STK4: variants seen among roughly 807,000 people sequenced by gnomAD.
The protein encoded by STK4 is serine/threonine-protein kinase 4.
In STK4, 30 loss-of-function variants were observed where a neutral mutation model predicts 64.9. The ratio of observed to expected loss-of-function variants is 0.46; its 90% CI spans 0.35 to 0.63. STK4 has a LOEUF of 0.63. STK4 is among the 20% of genes least tolerant of loss of function. STK4 has a pLI of 0.01. For missense variants in STK4, 466 were observed against 598.5 expected, an observed-to-expected ratio of 0.78 and a Z score of 2.31; for synonymous variants, 177 against 199.0, an observed-to-expected ratio of 0.89 and a Z score of 0.93.
intron 10 of STK4, among the ~76,000 whole-genome samples, chr20:45,032,843 G>A (rs1029539587): frequency 6.6e-6 from 1 of 152,096 alleles, no homozygotes; most frequent in Non-Finnish European, 1.5e-5. Flanking sequence ...TTGAGAAATC[G>A]ACACATGGCT....
chr20:44,999,932 A>G (rs1233139641), intron 7 of STK4, among the ~76,000 whole-genome samples: 3 of 152,200 alleles, frequency 2.0e-5, no homozygotes, highest in African/African-American at 7.2e-5. Flanking sequence ...ACATTTTTTT[A>G]GTATTATCTA....
rs549843405 is a variant in STK4 at position 45,049,798 on chromosome 20, TCTC to T, written c.1305+24673_1305+24675del. ...CAGCTTTTTAAGAATTCTCACCACT[TCTC>T]CTCCCATCTCAATTTTGTTGTTGTG... is the stretch of plus-strand genomic sequence containing the variant. On this transcript the variant is annotated intron_variant, in intron 10 of 10. Coordinates refer to ENST00000372806, the MANE Select transcript of STK4 (RefSeq NM_006282.5). Among the ~76,000 whole-genome samples, 191 of 152,180 alleles carry T rather than the reference TCTC, an allele frequency of 1.3e-3. 1 individual carries two copies. The highest frequency in any genetic ancestry group is 4.4e-3 in the African/African-American group (181 of 41,514).
chr20:44,972,181 T>C (rs2067259797), intron 2 of STK4, 23 bp downstream of exon 2: 2 of 1,599,674 alleles, frequency 1.3e-6, no homozygotes. Context: ...AAACTATAGG[T>C]AGGTCATTGG....
chr20:45,066,177 T>C (rs1600569317), intron 10 of STK4, among the ~76,000 whole-genome samples: 2 of 111,800 alleles, frequency 1.8e-5, no homozygotes, highest in East Asian at 2.3e-4. Flanking sequence ...ACACATTATA[T>C]ATCTACACAC....
intron 10 of STK4, among the ~76,000 whole-genome samples, chr20:45,042,986 TG>T (rs2068637431): frequency 6.6e-6 from 1 of 152,152 alleles, no homozygotes; most frequent in Non-Finnish European, 1.5e-5. Context: ...CTATTCTTCC[TG>T]ATGCTCTCCC....
chr20:44,974,914 G>A (rs2067312513), intron 2 of STK4: 1 of 152,216 alleles, frequency 6.6e-6, no homozygotes, highest in Non-Finnish European at 1.5e-5. Context: ...TGGATCTGTG[G>A]CAGAGTAGAG....
chr20:45,020,470 GTT>G (rs1568728034), intron 9 of STK4, among the ~76,000 whole-genome samples: 793 of 54,198 alleles, frequency 0.015, 6 homozygotes, highest in East Asian at 0.03. Context: ...GTGTGTGTAT[GTT>G]TATGTTTATG....
intron 9 of STK4, among the ~76,000 whole-genome samples, chr20:45,014,487 A>G (rs915248399): frequency 8.5e-5 from 13 of 152,224 alleles, no homozygotes; most frequent in Non-Finnish European, 1.9e-4. Flanking sequence ...GAAAGAATCC[A>G]AGCTTTCACA....
chr20:45,027,557 A>T (rs963469027), intron 10 of STK4, among the ~76,000 whole-genome samples: 1 of 152,130 alleles, frequency 6.6e-6, no homozygotes, highest in Non-Finnish European at 1.5e-5. Context: ...CCTGTTCATA[A>T]TGTGTAGTGA....
chr20:45,033,818 G>C (rs958866887), intron 10 of STK4, among the ~76,000 whole-genome samples: 1 of 152,076 alleles, frequency 6.6e-6, no homozygotes, highest in Non-Finnish European at 1.5e-5. Flanking sequence ...GACTTTGGGT[G>C]ATCTACCCAC....
At chr20:45,011,729 A>ATATATATATATATATTTTTT (rs60170856) in intron 9 of STK4, among the ~76,000 whole-genome samples, 4 of 115,388 alleles carry the variant, frequency 3.5e-5, no homozygotes, top group African/African-American at 1.5e-4. Context: ...ATATATATAT[A>ATATATATATATATATTTTTT]TTTTTTTTTT....
intron 8 of STK4, among the ~76,000 whole-genome samples, chr20:45,000,957 TC>T (rs1162707446): frequency 6.6e-6 from 1 of 152,210 alleles, no homozygotes; most frequent in African/African-American, 2.4e-5. Flanking sequence ...GAGGAAGAAT[TC>T]CTTTAGGGTT....
At chr20:45,047,515 C>T (rs570770771) in intron 10 of STK4, among the ~76,000 whole-genome samples, 2 of 152,222 alleles carry the variant, frequency 1.3e-5, no homozygotes, top group East Asian at 1.9e-4. Flanking sequence ...TATTTGGGCC[C>T]ATTGTGCACT....
intron 10 of STK4, among the ~76,000 whole-genome samples, chr20:45,040,862 A>C (rs1318430536): frequency 6.6e-6 from 1 of 152,126 alleles, no homozygotes; most frequent in Non-Finnish European, 1.5e-5. Flanking sequence ...CCACATCTGT[A>C]ATCCTTTCCC....
At chr20:44,993,013 A>G (rs926527658) in intron 5 of STK4, among the ~76,000 whole-genome samples, 3 of 152,146 alleles carry the variant, frequency 2.0e-5, no homozygotes, top group Admixed American at 1.3e-4. Context: ...GTACTTCTTT[A>G]AAGTATTCGT....
At chr20:44,967,209 T>C (rs2067165522) in intron 1 of STK4, 2 of 985,418 alleles carry the variant, frequency 2.0e-6, no homozygotes, top group South Asian at 4.7e-5. Flanking sequence ...TTATTACTGA[T>C]GTTCAGTGTC....
intron 9 of STK4, among the ~76,000 whole-genome samples, chr20:45,012,643 A>G (rs2068070433): frequency 6.6e-6 from 1 of 152,156 alleles, no homozygotes; most frequent in Non-Finnish European, 1.5e-5. Flanking sequence ...TCTTCTATAG[A>G]CAACTACTGT....
intron 10 of STK4, among the ~76,000 whole-genome samples, chr20:45,059,283 A>G (rs1388515657): frequency 5.3e-5 from 8 of 152,212 alleles, no homozygotes; most frequent in African/African-American, 1.9e-4. Context: ...TAATCTTAGC[A>G]GCCTTAGTGT....
At chr20:45,000,945 T>A (rs1601239038) in intron 8 of STK4, among the ~76,000 whole-genome samples, 1 of 152,108 alleles carries the variant, frequency 6.6e-6, no homozygotes, top group South Asian at 2.1e-4. Context: ...TTAAGAAGAG[T>A]AGAGGAAGAA....
Sources: allele counts gnomAD v4.1 joint callset (sites outside exome capture counted in the v4.1 genomes callset), GRCh38; gene constraint gnomAD v4.1.1; transcripts MANE v1.5; gene names NCBI Gene and HGNC (gene_info 2026-07-23, HGNC 2026-07-21).